Variants in OSBPL9 observed in about 807,000 individuals in gnomAD.
OSBPL9 encodes the protein oxysterol binding protein like 9.
Under a neutral mutation model 106.6 loss-of-function variants are expected in OSBPL9, and 40 were observed. The ratio of observed to expected loss-of-function variants is 0.38; its 90% CI spans 0.29 to 0.49. The LOEUF is 0.49. OSBPL9 is among the 20% of genes least tolerant of loss of function. The probability of loss-of-function intolerance (pLI) is 0.97; values close to 1 mark genes in which losing one functional copy is unlikely to be tolerated. For synonymous variants in OSBPL9, 269 were observed against 295.4 expected, an observed-to-expected ratio of 0.91 and a Z score of 0.92; for missense variants, 609 against 887.2, an observed-to-expected ratio of 0.69 and a Z score of 3.98.
chr1:51,637,956 C>T (rs1322354421), intron 1 of OSBPL9, among the ~76,000 whole-genome samples: 1 of 152,160 alleles, frequency 6.6e-6, no homozygotes, highest in Admixed American at 6.6e-5. Flanking sequence ...TCCTTGCCTT[C>T]TGATATTAGT....
the OSBPL9 span, among the ~76,000 whole-genome samples, chr1:51,528,547 GA>G: frequency 2.7e-4 from 39 of 143,442 alleles, no homozygotes; most frequent in African/African-American, 9.5e-4. Flanking sequence ...CTGTCTCGGG[GA>G]AAAAAAAAAC....
chr1:51,631,609 G>A (rs1018204603), intron 1 of OSBPL9, among the ~76,000 whole-genome samples: 2 of 152,042 alleles, frequency 1.3e-5, no homozygotes, highest in Non-Finnish European at 2.9e-5. Context: ...TAATTGTGAC[G>A]TCCAGAATAA....
chr1:51,697,567 T>C (rs1322646835), intron 3 of OSBPL9, among the ~76,000 whole-genome samples: 2 of 150,544 alleles, frequency 1.3e-5, no homozygotes, highest in East Asian at 1.9e-4. Context: ...GGAGAAGATA[T>C]GACTTTAGGA....
intron 8 of OSBPL9, among the ~76,000 whole-genome samples, chr1:51,755,422 A>G (rs1670122808): frequency 6.6e-6 from 1 of 152,224 alleles, no homozygotes; most frequent in African/African-American, 2.4e-5. Context: ...TGACTTAATA[A>G]TGGTTTTACT....
chr1:51,720,501 A>T (rs1236484913), intron 4 of OSBPL9, among the ~76,000 whole-genome samples: 1 of 151,454 alleles, frequency 6.6e-6, no homozygotes, highest in Non-Finnish European at 1.5e-5. Context: ...GATTTTTTGT[A>T]TTTTAGTAGA....
intron 4 of OSBPL9, among the ~76,000 whole-genome samples, chr1:51,728,039 G>A (rs1370369623): frequency 1.3e-5 from 2 of 152,128 alleles, no homozygotes; most frequent in Admixed American, 6.6e-5. Context: ...AACAGCATGC[G>A]CCAAGGCCCT....
In OSBPL9 at chr1:51,789,060, T is replaced by C. The variant is rs532612879; in HGVS notation, c.*1271T>C. ...CTGCTAATTTTCCTTTGCCAGCTCC[T>C]ACAGTAACCCTGGGTTTATTAGTCT... is the stretch of plus-strand genomic sequence containing the variant. On this transcript the variant is annotated 3_prime_UTR_variant, in exon 24 of 24. Transcript: ENST00000428468. 2.9e-4 allele frequency: 196 copies of C among 670,162 alleles called. No individual in the cohort carries two copies. Among genetic ancestry groups the C allele is most frequent in the Admixed American group, 9.1e-4 (33 of 36,378 alleles). The allele number at this position is 670,162 out of a possible 1,614,324, so 41.5% of individuals were successfully genotyped here. A position where few individuals can be genotyped will look rare whatever the true frequency, so the allele number is the denominator to read the frequency against.
chr1:51,557,264 A>G, the OSBPL9 span, among the ~76,000 whole-genome samples: 44 of 152,354 alleles, frequency 2.9e-4, no homozygotes, highest in African/African-American at 1.0e-3. Flanking sequence ...GCCACTTTGA[A>G]TAGAGATAAC....
intron 8 of OSBPL9, among the ~76,000 whole-genome samples, chr1:51,753,943 A>C (rs937426803): frequency 6.6e-6 from 1 of 152,178 alleles, no homozygotes; most frequent in Non-Finnish European, 1.5e-5. Flanking sequence ...GGGTGGTTTT[A>C]ATGTGCAACA....
At chr1:51,647,071 C>T (rs1158616639) in intron 1 of OSBPL9, among the ~76,000 whole-genome samples, 2 of 152,034 alleles carry the variant, frequency 1.3e-5, no homozygotes, top group African/African-American at 4.8e-5. Context: ...CATAGATGCC[C>T]CTTATTAACT....
chr1:51,538,104 A>G, the OSBPL9 span, among the ~76,000 whole-genome samples: 1 of 152,264 alleles, frequency 6.6e-6, no homozygotes, highest in South Asian at 2.1e-4. Context: ...CAGCCTGGCC[A>G]ACATGGCGAA....
intron 11 of OSBPL9, among the ~76,000 whole-genome samples, chr1:51,762,558 C>T (rs1466024088): frequency 6.6e-6 from 1 of 152,206 alleles, no homozygotes. Context: ...AAAATTTACT[C>T]CAGCTAGACT....
the OSBPL9 span, chr1:51,561,416 T>C: frequency 3.9e-5 from 6 of 152,206 alleles, no homozygotes; most frequent in Non-Finnish European, 8.8e-5. Context: ...TTGCTCATTT[T>C]CTAATGTGGG....
At chr1:51,693,709 T>TA in intron 3 of OSBPL9, among the ~76,000 whole-genome samples, 1 of 152,208 alleles carries the variant, frequency 6.6e-6, no homozygotes, top group East Asian at 1.9e-4. Flanking sequence ...TTTACCTTTT[T>TA]AAAAAATACC....
intron 3 of OSBPL9, among the ~76,000 whole-genome samples, chr1:51,683,065 T>C (rs1040042866): frequency 6.6e-6 from 1 of 151,928 alleles, no homozygotes; most frequent in Non-Finnish European, 1.5e-5. Context: ...TTAGTAGAGA[T>C]GGGGTTTTGC....
chr1:51,759,861 C>T (rs1485520287), intron 9 of OSBPL9: 1 of 152,202 alleles, frequency 6.6e-6, no homozygotes, highest in Non-Finnish European at 1.5e-5. Flanking sequence ...CTTCTCTACA[C>T]TCCCCAGTTA....
the OSBPL9 span, among the ~76,000 whole-genome samples, chr1:51,521,946 AG>A: frequency 4.0e-5 from 6 of 151,840 alleles, no homozygotes; most frequent in Non-Finnish European, 5.9e-5. Flanking sequence ...TAGTAGAGAC[AG>A]GGTTTCACCG....
intron 3 of OSBPL9, among the ~76,000 whole-genome samples, chr1:51,683,664 A>AT (rs1653106404): frequency 6.6e-6 from 1 of 151,816 alleles, no homozygotes; most frequent in South Asian, 2.1e-4. Context: ...ATTGTGACAC[A>AT]TGCCTGTAAT....
At chr1:51,661,193 C>T (rs149588013) in intron 2 of OSBPL9, among the ~76,000 whole-genome samples, 165 of 152,302 alleles carry the variant, frequency 1.1e-3, no homozygotes, top group Non-Finnish European at 2.0e-3. Context: ...GCACTGTCTA[C>T]ATTCCTTTTA....
Sources: allele counts gnomAD v4.1 joint callset (sites outside exome capture counted in the v4.1 genomes callset), GRCh38; gene constraint gnomAD v4.1.1; transcripts MANE v1.5; gene names NCBI Gene and HGNC (gene_info 2026-07-23, HGNC 2026-07-21).